The following CCSER2 variants were observed in gnomAD, a reference collection of about 807,000 sequenced individuals.
CCSER2 encodes the protein coiled-coil serine rich protein 2.
In CCSER2, 46 loss-of-function variants were observed where a neutral mutation model predicts 92.3. The ratio of observed to expected loss-of-function variants is 0.50; its 90% CI spans 0.39 to 0.64. CCSER2 has a LOEUF of 0.64. Among genes scored for constraint, CCSER2 ranks in the 30% least tolerant of loss-of-function variants. CCSER2 has a pLI of 0.00. For missense variants in CCSER2, 1,244 were observed against 1,238.9 expected (o/e 1.00, Z -0.06); for synonymous variants, 433 against 431.4 (o/e 1.00, Z -0.04).
chr10:84,391,733 G>A (rs1589527408), intron 3 of CCSER2: 2 of 1,491,190 alleles, frequency 1.3e-6, no homozygotes, highest in Non-Finnish European at 1.9e-6. Flanking sequence ...TCAAGAGGTG[G>A]CCCCCATGCT....
At position 84,339,471 on chromosome 10, in the gene CCSER2, TTA is replaced by T. The variant is rs1229068548; in HGVS notation, c.-40+10664_-40+10665del. Reference sequence around the variant, plus strand: ...GCACATACTATTACTTTTTTTTTTTTTAAATTTATTTTTTATTTTTTGAGACG... The same window carrying T: ...GCACATACTATTACTTTTTTTTTTTTAATTTATTTTTTATTTTTTGAGACG... On this transcript the variant is annotated intron_variant, in intron 1 of 9. Transcript: ENST00000372088. Among the ~76,000 whole-genome samples, 660 of 132,726 alleles carry T rather than the reference TTA, an allele frequency of 5.0e-3. 5 individuals carry two copies. The highest frequency in any genetic ancestry group is 0.02 in the African/African-American group (609 of 29,976). 87.1% of individuals were successfully genotyped at this position (132,726 alleles called of 152,430 possible).
chr10:84,367,311 T>G (rs995621983), intron 1 of CCSER2, among the ~76,000 whole-genome samples: 11 of 152,258 alleles, frequency 7.2e-5, no homozygotes, highest in African/African-American at 2.6e-4. Flanking sequence ...ATACTAATTA[T>G]CTTTCTGTTC....
Position 84,427,256 on chromosome 10 carries a change from G to C in CCSER2, c.1868+1363G>C, listed in dbSNP as rs932607057. On this transcript the variant is annotated intron_variant, in intron 5 of 9. Coordinates refer to ENST00000372088, the MANE Select transcript of CCSER2 (RefSeq NM_001284240.2). Reference sequence around the variant, plus strand: ...TGAGGTACACTGGTTTGTTGTGAATGGTTATAGATTGATCCGTTTATTGAA... The same window carrying C: ...TGAGGTACACTGGTTTGTTGTGAATCGTTATAGATTGATCCGTTTATTGAA... Among the ~76,000 whole-genome samples the C allele has an allele frequency of 4.6e-5, 7 of 152,118 alleles. No individual in the cohort carries two copies. The East Asian group carries it at 1.3e-3, about 29-fold the overall frequency.
At chr10:84,424,715 AG>A (rs1843338383) in intron 4 of CCSER2, among the ~76,000 whole-genome samples, 1 of 152,086 alleles carries the variant, frequency 6.6e-6, no homozygotes, top group Non-Finnish European at 1.5e-5. Context: ...TTTTATTACA[AG>A]GAATTCTGAA....
chr10:84,472,136 A>G (rs1479827213), intron 8 of CCSER2, among the ~76,000 whole-genome samples: 1 of 152,238 alleles, frequency 6.6e-6, no homozygotes, highest in Non-Finnish European at 1.5e-5. Context: ...TAGACCAAAT[A>G]TAACAAATAT....
At chr10:84,498,844 C>T (rs1341852355) in intron 9 of CCSER2, among the ~76,000 whole-genome samples, 2 of 152,050 alleles carry the variant, frequency 1.3e-5, no homozygotes, top group African/African-American at 4.8e-5. Context: ...ATATGGTTCC[C>T]TTTGTATAAC....
intron 6 of CCSER2, among the ~76,000 whole-genome samples, chr10:84,444,824 A>G (rs1328804774): frequency 1.3e-5 from 2 of 152,208 alleles, no homozygotes; most frequent in African/African-American, 4.8e-5. Flanking sequence ...TTGTGGTTTT[A>G]CTCAAATTAA....
chr10:84,501,633 C>G (rs1848725597), intron 9 of CCSER2, among the ~76,000 whole-genome samples: 1 of 149,678 alleles, frequency 6.7e-6, no homozygotes, highest in South Asian at 2.1e-4. Flanking sequence ...CTTCTCCTTC[C>G]TTCTTGGGTT....
chr10:84,505,252 G>A (rs1312759242), intron 9 of CCSER2, among the ~76,000 whole-genome samples: 2 of 151,986 alleles, frequency 1.3e-5, no homozygotes, highest in African/African-American at 2.4e-5. Flanking sequence ...CATTAATGTC[G>A]TTTCTAGTTA....
At chr10:84,457,550 A>G (rs1192579019) in intron 6 of CCSER2, among the ~76,000 whole-genome samples, 1 of 117,292 alleles carries the variant, frequency 8.5e-6, no homozygotes, top group Non-Finnish European at 1.6e-5. Context: ...TATATAATGT[A>G]TATTATTATA....
chr10:84,503,538 A>G (rs534218436), intron 9 of CCSER2, among the ~76,000 whole-genome samples: 1 of 152,360 alleles, frequency 6.6e-6, no homozygotes, highest in South Asian at 2.1e-4. Flanking sequence ...AGGAAAATTT[A>G]ATAAAAATAA....
intron 3 of CCSER2, among the ~76,000 whole-genome samples, chr10:84,400,678 C>A (rs1220608659): frequency 6.6e-6 from 1 of 152,146 alleles, no homozygotes; most frequent in African/African-American, 2.4e-5. Flanking sequence ...CTTTGGGAGG[C>A]TGAGGCGGGT....
intron 3 of CCSER2, among the ~76,000 whole-genome samples, chr10:84,411,206 C>A (rs1470443616): frequency 6.6e-6 from 1 of 151,846 alleles, no homozygotes; most frequent in African/African-American, 2.4e-5. Flanking sequence ...CCACCAGAAT[C>A]TGGGTGCTCC....
At chr10:84,506,286 A>G (rs1226079838) in intron 9 of CCSER2, among the ~76,000 whole-genome samples, 1 of 152,192 alleles carries the variant, frequency 6.6e-6, no homozygotes, top group Non-Finnish European at 1.5e-5. Flanking sequence ...CCATTTTGAG[A>G]TACAGAGGAA....
At chr10:84,461,730 TA>T (rs1846115132) in intron 6 of CCSER2, among the ~76,000 whole-genome samples, 1 of 152,092 alleles carries the variant, frequency 6.6e-6, no homozygotes, top group African/African-American at 2.4e-5. Flanking sequence ...TGGAGAATTT[TA>T]ATAACAGCTC....
intron 9 of CCSER2, among the ~76,000 whole-genome samples, chr10:84,493,602 G>A (rs1202063734): frequency 1.3e-5 from 2 of 152,146 alleles, no homozygotes; most frequent in African/African-American, 4.8e-5. Flanking sequence ...TTATTCATGA[G>A]TTTTCCGAGA....
At chr10:84,362,383 G>C (rs1015609539) in intron 1 of CCSER2, among the ~76,000 whole-genome samples, 1 of 152,168 alleles carries the variant, frequency 6.6e-6, no homozygotes, top group African/African-American at 2.4e-5. Flanking sequence ...CTAGCCCTCT[G>C]CACATTAATG....
At chr10:84,469,856 G>C (rs909005297) in intron 7 of CCSER2, among the ~76,000 whole-genome samples, 1 of 151,876 alleles carries the variant, frequency 6.6e-6, no homozygotes, top group Non-Finnish European at 1.5e-5. Context: ...TACCCTTCAG[G>C]CACATTTATC....
At chr10:84,510,966 A>G (rs1024805010) in intron 9 of CCSER2, among the ~76,000 whole-genome samples, 1 of 152,236 alleles carries the variant, frequency 6.6e-6, no homozygotes, top group Admixed American at 6.5e-5. Flanking sequence ...TACCAAATAA[A>G]TAATAAAGCA....
Sources: gnomAD v4.1 joint callset for allele counts (sites outside exome capture counted in the v4.1 genomes callset) on GRCh38, gnomAD v4.1.1 for gene constraint, MANE v1.5 for transcripts, NCBI Gene and HGNC (gene_info 2026-07-23, HGNC 2026-07-21) for gene names.